The following DMXL2 variants were observed in gnomAD, a reference collection of about 807,000 sequenced individuals.
The protein encoded by DMXL2 is Dmx like 2.
Under a neutral mutation model 331.1 loss-of-function variants are expected in DMXL2, and 103 were observed. The ratio of observed to expected loss-of-function variants is 0.31; its 90% CI spans 0.27 to 0.37. The LOEUF is 0.37. Ranked by LOEUF, DMXL2 falls within the 10% of genes least tolerant of loss-of-function variation. The pLI is 1.00. For missense variants in DMXL2, 3,171 were observed against 3,642.9 expected (o/e 0.87, Z 3.33); for synonymous variants, 1,281 against 1,252.1 (o/e 1.02, Z -0.49).
chr15:51,488,096 G>C lies in DMXL2; in HGVS notation c.5075C>G (p.Thr1692Arg), dbSNP rs1488107259. The change falls in exon 22 of 44, where the codon ACA becomes AGA. Residue 1692 changes from threonine (T) to arginine (R), a missense_variant. Transcript: ENST00000560891. ...LFRSQHDEKMTTFFSHNFNED... is the reference protein window; with the variant it reads ...LFRSQHDEKMRTFFSHNFNED... ...ATTAAAGTTGTGGCTGAAAAATGTT[G>C]TCATTTTTTCATCATGCTGTGACCT... The C allele has an allele frequency of 6.2e-7, 1 of 1,607,864 alleles. No individual in the cohort carries two copies. The highest frequency in any genetic ancestry group is 2.2e-5 in the East Asian group (1 of 44,666).
At chr15:51,540,266 A>C (rs2048514566) in intron 9 of DMXL2, among the ~76,000 whole-genome samples, 1 of 152,226 alleles carries the variant, frequency 6.6e-6, no homozygotes, top group Non-Finnish European at 1.5e-5. Flanking sequence ...ATCTGCATTT[A>C]AGAAAGGAAT....
chr15:51,494,943 G>T, intron 19 of DMXL2, 81 bp downstream of exon 19: 1 of 991,582 alleles, frequency 1.0e-6, no homozygotes, highest in Non-Finnish European at 1.6e-6. Flanking sequence ...CTTACCTAAT[G>T]TTTACACACA....
At chr15:51,556,439 A>G (rs896955426) in intron 6 of DMXL2, among the ~76,000 whole-genome samples, 2 of 151,582 alleles carry the variant, frequency 1.3e-5, no homozygotes, top group African/African-American at 4.8e-5. Flanking sequence ...CAGGAATACA[A>G]GGTTTACAAA....
intron 4 of DMXL2, 63 bp downstream of exon 4, chr15:51,565,025 T>C: frequency 3.1e-6 from 3 of 966,500 alleles, no homozygotes; most frequent in Admixed American, 3.5e-5. Flanking sequence ...CTATATCACA[T>C]TATTATCATA....
At chr15:51,589,925 T>C (rs1244920806) in intron 1 of DMXL2, among the ~76,000 whole-genome samples, 3 of 152,196 alleles carry the variant, frequency 2.0e-5, no homozygotes, top group Non-Finnish European at 4.4e-5. Context: ...TATTGCACCA[T>C]TATGTAAAGC....
intron 1 of DMXL2, among the ~76,000 whole-genome samples, chr15:51,577,556 T>A (rs779227522): frequency 6.6e-6 from 1 of 152,202 alleles, no homozygotes; most frequent in Non-Finnish European, 1.5e-5. Context: ...AAGGCAGACT[T>A]GGTTATACCA....
Position 51,457,482 on chromosome 15 carries a change from A to G in DMXL2, c.8199-16T>C. The stretch of plus-strand genomic sequence containing the variant: ...ATCATCTGAACTGTGAAAAACATTC[A>G]TGTGTTACTGTGAACATTCCCTTTT... On this transcript the variant is annotated splice_polypyrimidine_tract_variant and intron_variant, in intron 36 of 43. Transcript: ENST00000560891. 1 of 1,613,464 alleles carries G rather than the reference A, an allele frequency of 6.2e-7. No homozygotes were observed. The highest frequency in any genetic ancestry group is 2.2e-5 in the East Asian group (1 of 44,878).
At chr15:51,546,831 T>C (rs1210693500) in intron 7 of DMXL2, among the ~76,000 whole-genome samples, 1 of 152,154 alleles carries the variant, frequency 6.6e-6, no homozygotes. Context: ...TACTGATCTA[T>C]TTCCCTTCAA....
chr15:51,618,402 G>A (rs2054422804), intron 1 of DMXL2, among the ~76,000 whole-genome samples: 4 of 151,112 alleles, frequency 2.6e-5, no homozygotes, highest in African/African-American at 9.7e-5. Flanking sequence ...CATTTTCAAG[G>A]TTTGGTGTTA....
chr15:51,538,226 C>T lies in DMXL2; in HGVS notation c.1332G>A (p.Met444Ile). ...CAGGATACTAACCATGGTCTAATTT[C>T]ATATGTAAACCCCGTTCTCTATCCT... Reference protein sequence around the residue: ...SQEDRERGLHMKLDHDLSLDR... With the variant: ...SQEDRERGLHIKLDHDLSLDR... The change falls in exon 10 of 44, where the codon ATG (methionine) becomes ATA (isoleucine). Residue 444 changes from methionine (M) to isoleucine (I), a missense_variant. Physicochemically the swap from Met to Ile is conservative, Grantham distance 10. Coordinates refer to ENST00000560891, the MANE Select transcript of DMXL2 (RefSeq NM_001378457.1). 4 of 1,612,692 alleles carry T rather than the reference C, an allele frequency of 2.5e-6. No individual in the cohort carries two copies. Among genetic ancestry groups the T allele is most frequent in the Non-Finnish European group, 3.4e-6 (4 of 1,179,126 alleles).
intron 14 of DMXL2, among the ~76,000 whole-genome samples, chr15:51,516,832 C>T (rs564396781): frequency 2.0e-5 from 3 of 152,280 alleles, no homozygotes; most frequent in Non-Finnish European, 2.9e-5. Flanking sequence ...CATTATATTG[C>T]TCTGCATGCC....
At chr15:51,572,023 A>T (rs1387421861) in intron 2 of DMXL2, among the ~76,000 whole-genome samples, 2 of 152,194 alleles carry the variant, frequency 1.3e-5, no homozygotes, top group Admixed American at 6.5e-5. Context: ...AGATTAACAA[A>T]ATACATAGAC....
chr15:51,531,258 G>A (rs1177686660), intron 13 of DMXL2, among the ~76,000 whole-genome samples: 1 of 152,038 alleles, frequency 6.6e-6, no homozygotes, highest in Non-Finnish European at 1.5e-5. Context: ...TTTTGACAAA[G>A]GTGCCAAGAA....
intron 6 of DMXL2, among the ~76,000 whole-genome samples, chr15:51,547,614 T>C (rs1795977437): frequency 6.6e-6 from 1 of 152,130 alleles, no homozygotes; most frequent in Admixed American, 6.6e-5. Context: ...ATCAATCTTT[T>C]CTGTGTGATA....
intron 1 of DMXL2, among the ~76,000 whole-genome samples, chr15:51,609,726 T>C (rs9806214): frequency 0.82 from 123,911 of 152,032 alleles, 50,856 homozygotes; most frequent in East Asian, 0.99. Context: ...GTCAGGAGTT[T>C]GAGACCAGCC....
chr15:51,481,676 C>T (rs200508376), intron 23 of DMXL2, 53 bp from the exon 24 acceptor site: 612 of 1,444,672 alleles, frequency 4.2e-4, no homozygotes, highest in Non-Finnish European at 5.1e-4. Context: ...TATGTATTTA[C>T]ATTACAAAAC....
intron 3 of DMXL2, among the ~76,000 whole-genome samples, chr15:51,566,231 GGGT>G (rs2050265304): frequency 1.4e-4 from 13 of 94,604 alleles, no homozygotes; most frequent in Admixed American, 5.0e-4. Flanking sequence ...TGTGTGTGTG[GGGT>G]GTGTGTGTGT....
chr15:51,564,458 G>C (rs1306045059), intron 4 of DMXL2, among the ~76,000 whole-genome samples, 198 bp from the exon 5 acceptor site: 1 of 151,880 alleles, frequency 6.6e-6, no homozygotes. Context: ...AGATTCTTAA[G>C]GAAGATTTGA....
intron 42 of DMXL2, chr15:51,450,788 C>CT (rs1340674722): frequency 1.2e-5 from 2 of 166,580 alleles, no homozygotes; most frequent in East Asian, 3.1e-4. Flanking sequence ...GTTCATTATC[C>CT]TTCCCAGGAG....
Sources: gnomAD v4.1 joint callset for allele counts (sites outside exome capture counted in the v4.1 genomes callset) on GRCh38, gnomAD v4.1.1 for gene constraint, MANE v1.5 for transcripts, NCBI Gene and HGNC (gene_info 2026-07-23, HGNC 2026-07-21) for gene names.